The following PRKCE variants were observed in gnomAD, a reference collection of about 807,000 sequenced individuals.
PRKCE encodes the protein protein kinase C epsilon.
Under a neutral mutation model 85.4 loss-of-function variants are expected in PRKCE, and 16 were observed. The observed-to-expected ratio is 0.19, with a 90% confidence interval of 0.13 to 0.28. The LOEUF (loss-of-function observed/expected upper bound fraction) is 0.28. PRKCE is among the 10% of genes least tolerant of loss of function. PRKCE has a pLI of 1.00. For synonymous variants in PRKCE, 388 were observed against 371.5 expected (o/e 1.04, Z -0.51); for missense variants, 573 against 975.2 (o/e 0.59, Z 5.49).
intron 1 of PRKCE, among the ~76,000 whole-genome samples, chr2:45,805,175 T>A (rs1479500125): frequency 2.0e-5 from 3 of 152,150 alleles, no homozygotes; most frequent in African/African-American, 7.2e-5. Flanking sequence ...ACCCTGTGGG[T>A]TAGACACTAT....
In PRKCE at chr2:46,100,633, G is replaced by T. The variant is rs112917966; in HGVS notation, c.1592+14271G>T. On this transcript the variant is annotated intron_variant, in intron 11 of 14. Coordinates refer to ENST00000306156, the MANE Select transcript of PRKCE (RefSeq NM_005400.3). ...ATGCAAAAGCATTCATCAGAAGGGG[G>T]TTTCTTTCTAGATTTGTACTTTTGT... Among the ~76,000 whole-genome samples, 1,128 of 152,306 alleles carry T rather than the reference G, an allele frequency of 7.4e-3. 9 individuals carry two copies. Among genetic ancestry groups the T allele is most frequent in the Middle Eastern group, 0.034 (10 of 294 alleles).
chr2:45,762,539 G>C lies in PRKCE; in HGVS notation c.349-80461G>C, dbSNP rs780605801. On this transcript the variant is annotated intron_variant, in intron 1 of 14. Transcript: ENST00000306156. ...TTGAAGCTTTTGAAGGATATTTTCA[G>C]TGGATCAAAATGGCATCTTGTGCCT... 2.0e-5 allele frequency among the ~76,000 whole-genome samples: 3 copies of C among 152,304 alleles called. No homozygotes were observed. The South Asian group carries it at 6.2e-4, about 32-fold the overall frequency.
chr2:45,760,349 G>A (rs773737589), intron 1 of PRKCE, among the ~76,000 whole-genome samples: 1 of 152,170 alleles, frequency 6.6e-6, no homozygotes, highest in South Asian at 2.1e-4. Flanking sequence ...TTGGCAGCCA[G>A]GACATAATGA....
intron 1 of PRKCE, among the ~76,000 whole-genome samples, chr2:45,826,977 A>T (rs888201053): frequency 2.0e-5 from 3 of 152,168 alleles, no homozygotes; most frequent in Non-Finnish European, 4.4e-5. Flanking sequence ...GGGTGCCTGA[A>T]GTTTATTCTC....
chr2:45,837,566 C>A (rs1078462), intron 1 of PRKCE, among the ~76,000 whole-genome samples: 71,656 of 152,046 alleles, frequency 0.47, 17,267 homozygotes, highest in Middle Eastern at 0.57. Context: ...CTAGGGAGCA[C>A]GTTCTGATTC....
intron 11 of PRKCE, among the ~76,000 whole-genome samples, chr2:46,091,247 G>A (rs189837669): frequency 2.0e-5 from 3 of 152,168 alleles, no homozygotes; most frequent in Admixed American, 6.5e-5. Context: ...TTAACCACCT[G>A]CCCTCCCCAT....
intron 1 of PRKCE, among the ~76,000 whole-genome samples, chr2:45,821,851 G>A (rs1398314230): frequency 1.3e-5 from 2 of 152,184 alleles, no homozygotes; most frequent in East Asian, 3.9e-4. Flanking sequence ...TCTATCTGCT[G>A]GGTGGATTCA....
At chr2:45,829,331 C>T (rs1014564509) in intron 1 of PRKCE, among the ~76,000 whole-genome samples, 4 of 152,126 alleles carry the variant, frequency 2.6e-5, no homozygotes, top group Non-Finnish European at 4.4e-5. Flanking sequence ...ATAAGTACTG[C>T]ATAATAGTAC....
intron 2 of PRKCE, among the ~76,000 whole-genome samples, chr2:45,936,657 GC>G (rs1473720353): frequency 6.6e-6 from 1 of 152,230 alleles, no homozygotes; most frequent in East Asian, 1.9e-4. Context: ...AGGACAGCCT[GC>G]AGCCCCTGCA....
intron 12 of PRKCE, among the ~76,000 whole-genome samples, chr2:46,148,413 G>A (rs1476015510): frequency 1.3e-5 from 2 of 152,244 alleles, no homozygotes; most frequent in Non-Finnish European, 2.9e-5. Flanking sequence ...GGGGCCTGGA[G>A]TGGGGTGGCA....
intron 1 of PRKCE, among the ~76,000 whole-genome samples, chr2:45,817,066 AGTGTGTGTGTGTGTGT>A (rs200785601): frequency 1.5e-4 from 21 of 135,788 alleles, no homozygotes; most frequent in Admixed American, 8.0e-4. Context: ...CTGTAAGTAG[AGTGTGTGTGTGTGTGT>A]GTGTGTGTGT....
At chr2:46,152,276 G>T (rs970422484) in intron 13 of PRKCE, among the ~76,000 whole-genome samples, 4 of 151,760 alleles carry the variant, frequency 2.6e-5, no homozygotes, top group African/African-American at 9.7e-5. Flanking sequence ...CCTCCTCCCA[G>T]GTTCAAGTGA....
Position 46,001,560 on chromosome 2 carries a change from T to G in PRKCE, c.966+14T>G. 1.3e-6 allele frequency: 2 copies of G among 1,596,434 alleles called. No individual in the cohort carries two copies. The highest frequency in any genetic ancestry group is 1.1e-5 in the South Asian group (1 of 90,722). On this transcript the variant is annotated intron_variant, in intron 7 of 14. Transcript: ENST00000306156. This position sits in a 1 kb window ranked among gnomAD's most constrained non-coding sequence, Gnocchi z 4.4. The stretch of plus-strand genomic sequence containing the variant: ...AGAAGGAAAAAGGTAACTGGCTGTT[T>G]GGTGGTGTTGCTGGAGCCCTTTTCA...
intron 1 of PRKCE, chr2:45,675,224 C>T (rs1015889734): frequency 1.3e-5 from 2 of 152,248 alleles, no homozygotes; most frequent in Non-Finnish European, 2.9e-5. Flanking sequence ...AAGCCGTCTC[C>T]TTTCCAGAAA....
intron 2 of PRKCE, among the ~76,000 whole-genome samples, chr2:45,897,831 A>G (rs1696265841): frequency 6.6e-6 from 1 of 152,240 alleles, no homozygotes; most frequent in Non-Finnish European, 1.5e-5. Flanking sequence ...AAACTCCATC[A>G]CAAGAAATTA....
Position 46,007,478 on chromosome 2 carries a change from G to C in PRKCE, c.1080G>C (p.Glu360Asp), listed in dbSNP as rs1239559919. 1 of 1,599,648 alleles carries C rather than the reference G, an allele frequency of 6.3e-7. No homozygotes were observed. Among genetic ancestry groups the C allele is most frequent in the Non-Finnish European group, 8.5e-7 (1 of 1,179,978 alleles). ...SPCDQEIKEL[E>D]NNIRKALSFD... ...TGGCCCTAGAAATAAAAGAACTTGA[G>C]AACAACATTCGGAAAGCCTTGTCAT... Residue 360 changes from glutamate (E) to aspartate (D), a missense_variant, in exon 9 of 15, where the codon GAG becomes GAC. Transcript: ENST00000306156.
chr2:45,947,279 T>C (rs12999972), intron 2 of PRKCE, among the ~76,000 whole-genome samples: 110,432 of 151,940 alleles, frequency 0.73, 40,675 homozygotes, highest in Middle Eastern at 0.85. Flanking sequence ...TCCATAGAGA[T>C]AAAGTAAATT....
chr2:46,013,893 G>A (rs565038256), intron 10 of PRKCE, among the ~76,000 whole-genome samples: 21 of 152,296 alleles, frequency 1.4e-4, no homozygotes, highest in African/African-American at 5.1e-4. Context: ...TCAGAAGTGT[G>A]TAAAGTGATG....
At chr2:46,143,500 C>G (rs1489274918) in intron 11 of PRKCE, among the ~76,000 whole-genome samples, 1 of 152,120 alleles carries the variant, frequency 6.6e-6, no homozygotes, top group Non-Finnish European at 1.5e-5. Context: ...ACGCACATCT[C>G]ATTAGTCCTT....
Sources: allele counts gnomAD v4.1 joint callset (sites outside exome capture counted in the v4.1 genomes callset), GRCh38; gene constraint gnomAD v4.1.1; non-coding constraint Gnocchi (gnomAD v3.1); transcripts MANE v1.5; gene names NCBI Gene and HGNC (gene_info 2026-07-23, HGNC 2026-07-21).